CEP128: variants seen among roughly 807,000 people sequenced by gnomAD.
The protein encoded by CEP128 is centrosomal protein 128, also known as centrosomal protein 128kDa.
Under a neutral mutation model 156.7 loss-of-function variants are expected in CEP128, and 132 were observed. That is an observed-to-expected ratio of 0.84 (90% confidence interval 0.73 to 0.97). CEP128 has a LOEUF of 0.97. Among genes scored for constraint, CEP128 ranks in the 50% least tolerant of loss-of-function variants. CEP128 has a pLI of 0.00. For synonymous variants in CEP128, 469 were observed against 448.9 expected (o/e 1.04, Z -0.57); for missense variants, 1,252 against 1,281.9 (o/e 0.98, Z 0.36).
chr14:80,798,176 C>T (rs1233568035), intron 13 of CEP128, among the ~76,000 whole-genome samples: 1 of 152,182 alleles, frequency 6.6e-6, no homozygotes, highest in Admixed American at 6.5e-5. Context: ...AAACTTTATA[C>T]CTTTCAATTC....
intron 2 of CEP128, among the ~76,000 whole-genome samples, chr14:80,957,003 G>A (rs1566736039): frequency 6.6e-6 from 1 of 152,070 alleles, no homozygotes; most frequent in African/African-American, 2.4e-5. Context: ...ATTCTTTTGT[G>A]CAGCCTACCA....
intron 19 of CEP128, among the ~76,000 whole-genome samples, chr14:80,608,960 C>A (rs1458643168): frequency 6.6e-6 from 1 of 152,082 alleles, no homozygotes; most frequent in African/African-American, 2.4e-5. Context: ...TACCTGGAAC[C>A]AGTAAACACT....
At chr14:80,584,676 G>A (rs1891739487) in intron 19 of CEP128, among the ~76,000 whole-genome samples, 1 of 152,158 alleles carries the variant, frequency 6.6e-6, no homozygotes, top group Admixed American at 6.5e-5. Context: ...TATGCAAACA[G>A]ACAAAACACA....
intron 2 of CEP128, among the ~76,000 whole-genome samples, chr14:80,920,734 C>T (rs562935732): frequency 3.3e-5 from 5 of 152,196 alleles, no homozygotes; most frequent in South Asian, 2.1e-4. Flanking sequence ...AACAATAAGA[C>T]GCTTTTCTAG....
intron 8 of CEP128, among the ~76,000 whole-genome samples, chr14:80,868,272 T>G (rs1595522010): frequency 6.6e-6 from 1 of 152,200 alleles, no homozygotes; most frequent in African/African-American, 2.4e-5. Flanking sequence ...TTAAGTTACT[T>G]TTAACTCTAG....
At chr14:80,949,746 A>C (rs1886422775) in intron 2 of CEP128, among the ~76,000 whole-genome samples, 1 of 152,232 alleles carries the variant, frequency 6.6e-6, no homozygotes. Flanking sequence ...ATTTACATGA[A>C]TGCAATAATT....
At chr14:80,928,458 G>A (rs891023080) in intron 2 of CEP128, among the ~76,000 whole-genome samples, 1 of 152,078 alleles carries the variant, frequency 6.6e-6, no homozygotes, top group African/African-American at 2.4e-5. Flanking sequence ...AAACAAACCA[G>A]AACTTTTGGA....
chr14:80,493,914 T>C (rs1205343676), downstream of CEP128, among the ~76,000 whole-genome samples: 1 of 152,212 alleles, frequency 6.6e-6, no homozygotes, highest in Admixed American at 6.5e-5. Flanking sequence ...TTGGTTTACT[T>C]TGTTACTAAT....
chr14:80,540,063 C>A (rs1889673204), intron 21 of CEP128, among the ~76,000 whole-genome samples: 1 of 152,134 alleles, frequency 6.6e-6, no homozygotes, highest in South Asian at 2.1e-4. Context: ...TGAACATAGA[C>A]CCTTATCAAT....
chr14:80,855,088 G>A (rs960272516), intron 9 of CEP128, among the ~76,000 whole-genome samples: 7 of 152,168 alleles, frequency 4.6e-5, no homozygotes, highest in Non-Finnish European at 8.8e-5. Flanking sequence ...ACTTTACCCC[G>A]TGAAGAATAA....
upstream of CEP128, among the ~76,000 whole-genome samples, chr14:80,944,112 A>G (rs547187719): frequency 3.3e-5 from 5 of 152,354 alleles, no homozygotes; most frequent in South Asian, 1.0e-3. Context: ...AATAGATTTT[A>G]CATGAAATTG....
intron 22 of CEP128, among the ~76,000 whole-genome samples, chr14:80,529,176 A>G (rs183695115): frequency 1.3e-5 from 2 of 152,344 alleles, no homozygotes. Context: ...AAGATTAGGA[A>G]ACATGTACCA....
chr14:80,955,722 C>G (rs754574062), intron 2 of CEP128: 2 of 1,614,048 alleles, frequency 1.2e-6, no homozygotes, highest in Non-Finnish European at 1.7e-6. Flanking sequence ...TGCTGCTCGA[C>G]CTGCCCAGGG....
At chr14:80,610,538 G>A (rs1428252609) in intron 19 of CEP128, among the ~76,000 whole-genome samples, 1 of 152,008 alleles carries the variant, frequency 6.6e-6, no homozygotes, top group Non-Finnish European at 1.5e-5. Flanking sequence ...CAAGTAAAAA[G>A]CATGAACACA....
chr14:80,689,758 G>A (rs999696046), intron 19 of CEP128, among the ~76,000 whole-genome samples: 16 of 151,990 alleles, frequency 1.1e-4, no homozygotes, highest in African/African-American at 3.4e-4. Flanking sequence ...TACATTAGAG[G>A]CCAGGGAAGT....
At chr14:80,555,297 G>A (rs1392695072) in intron 21 of CEP128, among the ~76,000 whole-genome samples, 1 of 151,994 alleles carries the variant, frequency 6.6e-6, no homozygotes, top group African/African-American at 2.4e-5. Context: ...GGATCTCTGT[G>A]CTCTTATTGT....
chr14:80,534,342 T>C lies in CEP128; in HGVS notation c.2881-3456A>G, dbSNP rs377164744. Reference sequence around the variant, plus strand: ...CTCACAGCCAGAGAGACAAGATCCATTAGCAGATGAATAGTTTAAAATAAG... The same window carrying C: ...CTCACAGCCAGAGAGACAAGATCCACTAGCAGATGAATAGTTTAAAATAAG... On this transcript the variant is annotated intron_variant, in intron 21 of 24. Transcript: ENST00000555265. Among the ~76,000 whole-genome samples the C allele has an allele frequency of 6.6e-5, 10 of 152,326 alleles. No homozygotes were observed. The East Asian group carries it at 1.7e-3, about 26-fold the overall frequency.
intron 14 of CEP128, among the ~76,000 whole-genome samples, chr14:80,482,042 G>A (rs563336431): frequency 6.6e-6 from 1 of 152,242 alleles, no homozygotes; most frequent in South Asian, 2.1e-4. Context: ...AGTTTGGGTG[G>A]GAGAATCGCT....
chr14:80,478,239 A>T (rs1032642222), exon 15 of CEP128: 5 of 152,150 alleles, frequency 3.3e-5, no homozygotes, highest in African/African-American at 1.2e-4. Flanking sequence ...TTAAGCCCCC[A>T]GCATCTAATC....
Sources: allele counts gnomAD v4.1 joint callset (sites outside exome capture counted in the v4.1 genomes callset), GRCh38; gene constraint gnomAD v4.1.1; transcripts MANE v1.5; gene names NCBI Gene and HGNC (gene_info 2026-07-23, HGNC 2026-07-21).